RNF19B: variants seen among roughly 807,000 people sequenced by gnomAD.
RNF19B encodes E3 ubiquitin-protein ligase RNF19B.
Under a neutral mutation model 65.5 loss-of-function variants are expected in RNF19B, and 23 were observed. The ratio of observed to expected loss-of-function variants is 0.35; its 90% CI spans 0.25 to 0.50. The LOEUF (loss-of-function observed/expected upper bound fraction) is 0.50. Among genes scored for constraint, RNF19B ranks in the 20% least tolerant of loss-of-function variants. The pLI, the probability that RNF19B is intolerant of heterozygous loss-of-function variation, is 0.98. For missense variants in RNF19B, 794 were observed against 980.0 expected, an observed-to-expected ratio of 0.81 and a Z score of 2.53; for synonymous variants, 372 against 379.6, an observed-to-expected ratio of 0.98 and a Z score of 0.23.
At chr1:32,957,421 T>C (rs1465717862) in intron 1 of RNF19B, among the ~76,000 whole-genome samples, 2 of 152,214 alleles carry the variant, frequency 1.3e-5, no homozygotes, top group Non-Finnish European at 1.5e-5. Flanking sequence ...TTTCTATCTA[T>C]CTATGTATCA....
chr1:32,948,238 C>T lies in RNF19B; in HGVS notation c.967G>A (p.Asp323Asn). The T allele has an allele frequency of 6.2e-7, 1 of 1,613,974 alleles. No individual in the cohort carries two copies. The highest frequency in any genetic ancestry group is 8.5e-7 in the Non-Finnish European group (1 of 1,179,922). ...CCATCTTACCTGAGGTAATGCAAGTCTGAGATCTCTTTCATACAAAGCCAA... is the reference window on the plus strand; with the variant it reads ...CCATCTTACCTGAGGTAATGCAAGTTTGAGATCTCTTTCATACAAAGCCAA... ...FCWLCMKEIS[D>N]LHYLSPSGCT... Residue 323 changes from aspartate (D) to asparagine (N), a missense_variant, in exon 3 of 9, where the codon GAC becomes AAC. Physicochemically the swap from Asp to Asn is conservative, Grantham distance 23. Coordinates refer to ENST00000235150, the MANE Select transcript of RNF19B (RefSeq NM_001300826.2).
chr1:32,962,414 C>T (rs1642791966), intron 1 of RNF19B, among the ~76,000 whole-genome samples: 1 of 152,202 alleles, frequency 6.6e-6, no homozygotes, highest in African/African-American at 2.4e-5. Flanking sequence ...TACTTATTAA[C>T]TGAAAGTGAA....
chr1:32,963,498 C>T (rs1642819904), intron 1 of RNF19B, among the ~76,000 whole-genome samples: 1 of 152,132 alleles, frequency 6.6e-6, no homozygotes, highest in South Asian at 2.1e-4. Flanking sequence ...GGAGGATCAC[C>T]TGAGGTCAGG....
chr1:32,961,212 T>C lies in RNF19B; in HGVS notation c.635+2839A>G, dbSNP rs72882377. 9.1e-3 allele frequency among the ~76,000 whole-genome samples: 1,391 copies of C among 152,238 alleles called. 20 individuals are homozygous for C. The highest frequency in any genetic ancestry group is 0.032 in the African/African-American group (1,327 of 41,526). ...TTTCAGATAAGAAAAATAACGTAGG[T>C]AGGAGGCTGTTAACAACAGGAATCA... On this transcript the variant is annotated intron_variant, in intron 1 of 8. Coordinates refer to ENST00000235150, the MANE Select transcript of RNF19B (RefSeq NM_001300826.2).
At chr1:32,946,893 T>G (rs1437787793) in intron 3 of RNF19B, among the ~76,000 whole-genome samples, 1 of 152,242 alleles carries the variant, frequency 6.6e-6, no homozygotes, top group South Asian at 2.1e-4. Flanking sequence ...CATAGCCTTA[T>G]GCACTTGACA....
intron 6 of RNF19B, 67 bp from the exon 7 acceptor site, chr1:32,942,526 T>C: frequency 1.5e-6 from 2 of 1,370,280 alleles, no homozygotes; most frequent in Non-Finnish European, 2.1e-6. Flanking sequence ...GGCATTTTCC[T>C]GCAATGACTT....
intron 1 of RNF19B, among the ~76,000 whole-genome samples, chr1:32,954,235 A>G (rs1642581429): frequency 6.6e-6 from 1 of 151,480 alleles, no homozygotes; most frequent in Admixed American, 6.6e-5. Context: ...TTCTTGAAAA[A>G]GAAGAACATT....
Position 32,949,778 on chromosome 1 carries a change from G to T in RNF19B, c.636-4C>A. The T allele has an allele frequency of 6.2e-7, 1 of 1,610,930 alleles. No homozygotes were observed. The highest frequency in any genetic ancestry group is 1.1e-5 in the South Asian group (1 of 90,942). ...GCCATAGGCAATAACAGCATAACTA[G>T]GTAAGGAAACAGTAAGAGATACCAG... is the stretch of plus-strand genomic sequence containing the variant. On this transcript the variant is annotated splice_region_variant and splice_polypyrimidine_tract_variant and intron_variant, in intron 1 of 8. Coordinates refer to ENST00000235150, the MANE Select transcript of RNF19B (RefSeq NM_001300826.2).
At chr1:32,934,460 T>C (rs965166097), downstream of RNF19B, among the ~76,000 whole-genome samples, 77 of 152,152 alleles carry the variant, frequency 5.1e-4, no homozygotes, top group African/African-American at 1.9e-3. Flanking sequence ...GTGGGGGGAA[T>C]CACTTGAGTC....
downstream of RNF19B, among the ~76,000 whole-genome samples, chr1:32,931,895 C>G (rs1642033349): frequency 1.3e-5 from 2 of 152,180 alleles, no homozygotes; most frequent in African/African-American, 4.8e-5. Context: ...AAGCAATTTG[C>G]CTACCAGTTT....
At chr1:32,935,311 T>C (rs1642078685), downstream of RNF19B, among the ~76,000 whole-genome samples, 1 of 151,498 alleles carries the variant, frequency 6.6e-6, no homozygotes, top group African/African-American at 2.4e-5. Context: ...CTAACTTCTG[T>C]ATTTTTAGTA....
chr1:32,946,443 G>C lies in RNF19B; in HGVS notation c.1105C>G (p.Pro369Ala). 1 of 1,613,908 alleles carries C rather than the reference G, an allele frequency of 6.2e-7. No homozygotes were observed. Among genetic ancestry groups the C allele is most frequent in the Non-Finnish European group, 8.5e-7 (1 of 1,179,816 alleles). ...GISLIAGIAI[P>A]AMVIGIPVYV... ...ACAGGAATGCCAATGACCATGGCAG[G>C]AATGGCAATGCCAGCAATGAGAGAA... Residue 369 changes from proline to alanine, a missense_variant, in exon 4 of 9, where the codon CCT becomes GCT. Physicochemically the swap from Pro to Ala is conservative, Grantham distance 27. Transcript: ENST00000235150.
chr1:32,958,883 T>C (rs1642705961), intron 1 of RNF19B, among the ~76,000 whole-genome samples: 1 of 152,138 alleles, frequency 6.6e-6, no homozygotes, highest in South Asian at 2.1e-4. Flanking sequence ...GTACAAGTAC[T>C]TTGGCAAATC....
rs1490366279 is a variant in RNF19B at position 32,964,502 on chromosome 1, G to A, written c.184C>T (p.Gln62Ter). Residue 62 changes from glutamine to a stop codon, truncating the protein, a stop_gained, in exon 1 of 9, where the codon CAG becomes TAG. Coordinates refer to ENST00000235150, the MANE Select transcript of RNF19B (RefSeq NM_001300826.2). LOFTEE classifies it high-confidence loss of function. The surrounding 1 kb of genome is among the most constrained non-coding windows in gnomAD (Gnocchi z 6.5). Reference protein sequence around the residue: ...PQAEPPPPAAQPPPAPAPAAA... With the variant: ...PQAEPPPPAA The stretch of plus-strand genomic sequence containing the variant: ...GCAGGGGCCGGGGCGGGCGGCGGCT[G>A]CGCAGCCGGGGGCGGCGGCTCGGCC... 2.7e-5 allele frequency: 26 copies of A among 951,440 alleles called. No individual in the cohort carries two copies. Among genetic ancestry groups the A allele is most frequent in the Non-Finnish European group, 3.2e-5 (26 of 801,960 alleles). 58.9% of individuals were successfully genotyped at this position (951,440 alleles called of 1,614,324 possible).
chr1:32,961,919 G>GA (rs1317404112), intron 1 of RNF19B, among the ~76,000 whole-genome samples: 1 of 150,696 alleles, frequency 6.6e-6, no homozygotes, highest in African/African-American at 2.4e-5. Flanking sequence ...AGAACTCAAG[G>GA]AAACATCTCA....
At chr1:32,956,050 T>C (rs1175778541) in intron 1 of RNF19B, among the ~76,000 whole-genome samples, 2 of 151,892 alleles carry the variant, frequency 1.3e-5, no homozygotes, top group African/African-American at 2.4e-5. Flanking sequence ...GGCAACATGG[T>C]GAAATCCCAT....
At chr1:32,950,572 T>TG (rs1179680182) in intron 1 of RNF19B, among the ~76,000 whole-genome samples, 1 of 151,710 alleles carries the variant, frequency 6.6e-6, no homozygotes, top group Non-Finnish European at 1.5e-5. Context: ...TTTTTTGAGA[T>TG]GGGGTCTCAC....
chr1:32,929,948 G>A, the RNF19B span, among the ~76,000 whole-genome samples: 1 of 152,082 alleles, frequency 6.6e-6, no homozygotes, highest in African/African-American at 2.4e-5. Context: ...CCTAGGGAAG[G>A]TACACACTAC....
chr1:32,950,904 G>C (rs1289715323), intron 1 of RNF19B, among the ~76,000 whole-genome samples: 1 of 148,694 alleles, frequency 6.7e-6, no homozygotes. Flanking sequence ...GCAGTGGCGC[G>C]ACTCGGCTCA....
Sources: gnomAD v4.1 joint callset for allele counts (sites outside exome capture counted in the v4.1 genomes callset) on GRCh38, gnomAD v4.1.1 for gene constraint, Gnocchi (gnomAD v3.1) non-coding constraint, MANE v1.5 for transcripts, NCBI Gene and HGNC (gene_info 2026-07-23, HGNC 2026-07-21) for gene names.